MACROD2: variants seen among roughly 807,000 people sequenced by gnomAD.
MACROD2 encodes mono-ADP ribosylhydrolase 2.
Under a neutral mutation model 70.4 loss-of-function variants are expected in MACROD2, and 36 were observed. The ratio of observed to expected loss-of-function variants is 0.51; its 90% CI spans 0.39 to 0.68. The LOEUF is 0.68. MACROD2 is among the 30% of genes least tolerant of loss of function. MACROD2 has a pLI of 0.00. For missense variants in MACROD2, 496 were observed against 538.4 expected (o/e 0.92, Z 0.78); for synonymous variants, 172 against 178.8 (o/e 0.96, Z 0.30).
chr20:14,158,911 C>G (rs1434732890), intron 3 of MACROD2, among the ~76,000 whole-genome samples: 2 of 151,946 alleles, frequency 1.3e-5, no homozygotes, highest in Admixed American at 6.6e-5. Flanking sequence ...TGGTTCTATA[C>G]AAATTTTAGG....
intron 3 of MACROD2, among the ~76,000 whole-genome samples, chr20:14,146,747 T>C (rs1275426005): frequency 6.6e-6 from 1 of 152,150 alleles, no homozygotes; most frequent in Non-Finnish European, 1.5e-5. Flanking sequence ...CCTTTTAGAT[T>C]GATAGGATGA....
chr20:14,477,275 G>A (rs558377434), intron 3 of MACROD2, among the ~76,000 whole-genome samples: 1 of 152,244 alleles, frequency 6.6e-6, no homozygotes, highest in East Asian at 1.9e-4. Context: ...GAATTAGAGT[G>A]GCTTGTGATG....
chr20:14,338,476 A>C (rs2082976552), intron 3 of MACROD2, among the ~76,000 whole-genome samples: 1 of 152,176 alleles, frequency 6.6e-6, no homozygotes. Flanking sequence ...GTTCTTTTGG[A>C]GGCGAAGAAG....
At chr20:15,756,955 G>A (rs1042302905) in intron 8 of MACROD2, among the ~76,000 whole-genome samples, 5 of 152,142 alleles carry the variant, frequency 3.3e-5, no homozygotes, top group Non-Finnish European at 7.3e-5. Context: ...GCAGGCTTCC[G>A]AATTGTTAGT....
intron 6 of MACROD2, among the ~76,000 whole-genome samples, chr20:15,310,428 C>T (rs1161549860): frequency 6.6e-6 from 1 of 152,076 alleles, no homozygotes; most frequent in Admixed American, 6.5e-5. Context: ...TGGTTTCACT[C>T]CAACCCAAAC....
At chr20:15,160,827 A>G (rs1007959995) in intron 5 of MACROD2, among the ~76,000 whole-genome samples, 4 of 152,138 alleles carry the variant, frequency 2.6e-5, no homozygotes, top group Non-Finnish European at 5.9e-5. Flanking sequence ...ATTTCAGGAA[A>G]CAATTACTGA....
chr20:14,578,468 T>A (rs2123339459), intron 4 of MACROD2, among the ~76,000 whole-genome samples: 1 of 152,310 alleles, frequency 6.6e-6, no homozygotes, highest in African/African-American at 2.4e-5. Context: ...TCTCAGATAT[T>A]CTTTGTTAAA....
intron 11 of MACROD2, among the ~76,000 whole-genome samples, chr20:15,936,247 A>G (rs1214633967): frequency 6.7e-6 from 1 of 149,086 alleles, no homozygotes; most frequent in Non-Finnish European, 1.5e-5. Flanking sequence ...TGTAGTATAT[A>G]TATGCATATG....
chr20:15,551,029 C>A (rs1303650057), intron 8 of MACROD2, among the ~76,000 whole-genome samples: 1 of 152,202 alleles, frequency 6.6e-6, no homozygotes, highest in Admixed American at 6.5e-5. Flanking sequence ...TTCAGATTCA[C>A]TTAAAAGAAA....
rs187704269 is a variant in MACROD2, at chr20:14,779,997, C to G, written c.418+95038C>G. Among the ~76,000 whole-genome samples the G allele has an allele frequency of 3.2e-3, 493 of 152,182 alleles. 5 individuals are homozygous for G. The highest frequency in any genetic ancestry group is 5.1e-3 in the Non-Finnish European group (344 of 68,028). ...CCTTAACTGTGTGAAGTAGATATCA[C>G]TGTCCTCTTTTTACAGATGAAGAAA... is the stretch of plus-strand genomic sequence containing the variant. On this transcript the variant is annotated intron_variant, in intron 5 of 17. Coordinates refer to ENST00000684519, the MANE Select transcript of MACROD2 (RefSeq NM_001351661.2).
intron 6 of MACROD2, among the ~76,000 whole-genome samples, chr20:15,382,177 G>GA (rs1048993748): frequency 6.6e-6 from 1 of 151,968 alleles, no homozygotes; most frequent in Non-Finnish European, 1.5e-5. Context: ...TATAAATTGA[G>GA]AAAAAAAGAT....
chr20:15,067,298 A>G (rs1170277903), intron 5 of MACROD2, among the ~76,000 whole-genome samples: 3 of 152,150 alleles, frequency 2.0e-5, no homozygotes, highest in African/African-American at 7.2e-5. Context: ...ATGTATAAAG[A>G]CTTTAAAAAT....
chr20:14,677,101 C>G (rs935647536), intron 4 of MACROD2, among the ~76,000 whole-genome samples: 1 of 151,886 alleles, frequency 6.6e-6, no homozygotes, highest in Non-Finnish European at 1.5e-5. Flanking sequence ...TTTCTCTTTT[C>G]AGGATCAACT....
At chr20:15,374,430 T>C (rs2045534804) in intron 6 of MACROD2, among the ~76,000 whole-genome samples, 1 of 152,146 alleles carries the variant, frequency 6.6e-6, no homozygotes. Flanking sequence ...AAATTCTCTT[T>C]TCTATTTTTC....
At chr20:14,479,905 C>T (rs2084643312) in intron 3 of MACROD2, among the ~76,000 whole-genome samples, 1 of 152,106 alleles carries the variant, frequency 6.6e-6, no homozygotes, top group South Asian at 2.1e-4. Flanking sequence ...GATACAAGGT[C>T]TTGCTTTATC....
chr20:15,410,271 T>TATG (rs2046058981), intron 6 of MACROD2, among the ~76,000 whole-genome samples: 2 of 152,328 alleles, frequency 1.3e-5, no homozygotes, highest in African/African-American at 2.4e-5. Flanking sequence ...TTTTAGTACT[T>TATG]ACGACTATCT....
At chr20:15,801,482 G>GGA (rs540468517) in intron 8 of MACROD2, among the ~76,000 whole-genome samples, 5 of 143,416 alleles carry the variant, frequency 3.5e-5, no homozygotes, top group African/African-American at 1.3e-4. Flanking sequence ...TATCAAACAT[G>GGA]AAAAAAAAAA....
Position 15,698,509 on chromosome 20 carries a change from T to C in MACROD2, c.646-164236T>C, listed in dbSNP as rs186729751. ...TGCTGTCTCACAGCTCTTAAAATTC[T>C]TTCCTTCGTCTTAACTTTGGATAAC... On this transcript the variant is annotated intron_variant, in intron 8 of 17. Transcript: ENST00000684519. Among the ~76,000 whole-genome samples the C allele has an allele frequency of 2.9e-3, 447 of 152,342 alleles. 2 individuals are homozygous for C. The highest frequency in any genetic ancestry group is 0.011 in the African/African-American group (439 of 41,580).
At chr20:14,068,774 G>A (rs2053801844) in intron 2 of MACROD2, among the ~76,000 whole-genome samples, 1 of 152,106 alleles carries the variant, frequency 6.6e-6, no homozygotes, top group Non-Finnish European at 1.5e-5. Context: ...GGGAATAGGG[G>A]CTGATAAGAT....
Sources: allele counts gnomAD v4.1 joint callset (sites outside exome capture counted in the v4.1 genomes callset), GRCh38; gene constraint gnomAD v4.1.1; transcripts MANE v1.5; gene names NCBI Gene and HGNC (gene_info 2026-07-23, HGNC 2026-07-21).